RABGAP1L: variants seen among roughly 807,000 people sequenced by gnomAD.
RABGAP1L encodes the protein rab GTPase-activating protein 1-like.
A neutral mutation model predicts 137.7 loss-of-function variants in RABGAP1L; 63 were observed. That is an observed-to-expected ratio of 0.46 (90% CI 0.37 to 0.56). RABGAP1L has a LOEUF of 0.56. Ranked by LOEUF, RABGAP1L falls within the 20% of genes least tolerant of loss-of-function variation. The pLI, the probability that RABGAP1L is intolerant of heterozygous loss-of-function variation, is 0.00. For synonymous variants in RABGAP1L, 431 were observed against 433.7 expected (o/e 0.99, Z 0.08); for missense variants, 1,095 against 1,244.0 (o/e 0.88, Z 1.80).
intron 18 of RABGAP1L, among the ~76,000 whole-genome samples, chr1:174,782,474 G>A (rs367585998): frequency 3.6e-4 from 55 of 152,270 alleles, no homozygotes; most frequent in African/African-American, 1.1e-3. Context: ...GGGCTGAGAC[G>A]ATGGGGTTTT....
chr1:174,305,462 G>C (rs963214956), intron 11 of RABGAP1L, among the ~76,000 whole-genome samples: 41 of 152,066 alleles, frequency 2.7e-4, no homozygotes, highest in African/African-American at 9.4e-4. Flanking sequence ...TCGGCTCCCT[G>C]CAACCTCTGC....
chr1:174,984,991 A>AAT (rs1446305998), intron 24 of RABGAP1L, among the ~76,000 whole-genome samples: 18 of 152,236 alleles, frequency 1.2e-4, no homozygotes, highest in African/African-American at 4.1e-4. Context: ...ATGTGATTAG[A>AAT]ATATGTATTA....
chr1:174,209,716 C>T (rs1221477973), intron 1 of RABGAP1L, among the ~76,000 whole-genome samples: 1 of 152,158 alleles, frequency 6.6e-6, no homozygotes, highest in Non-Finnish European at 1.5e-5. Flanking sequence ...GCTTTGCTAC[C>T]TGTTGATTAT....
intron 19 of RABGAP1L, among the ~76,000 whole-genome samples, chr1:174,906,065 C>T (rs1333500736): frequency 1.3e-5 from 2 of 152,026 alleles, no homozygotes; most frequent in African/African-American, 4.8e-5. Flanking sequence ...TCACCCAGGT[C>T]GGAGTGCAGT....
At chr1:174,378,700 G>A (rs1267263498) in intron 12 of RABGAP1L, among the ~76,000 whole-genome samples, 1 of 151,738 alleles carries the variant, frequency 6.6e-6, no homozygotes, top group African/African-American at 2.4e-5. Context: ...TTTGTCAGAT[G>A]AGTAGGTTGC....
At chr1:174,953,912 G>A (rs1668112965) in intron 19 of RABGAP1L, among the ~76,000 whole-genome samples, 1 of 152,200 alleles carries the variant, frequency 6.6e-6, no homozygotes, top group African/African-American at 2.4e-5. Flanking sequence ...ACAAGGCAGT[G>A]TAGGGGAATT....
chr1:174,810,067 C>T (rs1415225017), intron 18 of RABGAP1L, among the ~76,000 whole-genome samples: 3 of 152,128 alleles, frequency 2.0e-5, no homozygotes, highest in Non-Finnish European at 4.4e-5. Flanking sequence ...AATTTGTGGA[C>T]CTTTGTGAAA....
chr1:174,732,880 G>C (rs2148626882), intron 17 of RABGAP1L, among the ~76,000 whole-genome samples: 1 of 152,216 alleles, frequency 6.6e-6, no homozygotes. Flanking sequence ...GATATTTCAT[G>C]GTCTATTTAA....
intron 19 of RABGAP1L, among the ~76,000 whole-genome samples, chr1:174,940,439 ATT>A (rs1249671817): frequency 6.0e-5 from 9 of 150,280 alleles, no homozygotes; most frequent in African/African-American, 2.2e-4. Context: ...TGCCTGGCTA[ATT>A]TTTTTTTAAA....
intron 17 of RABGAP1L, among the ~76,000 whole-genome samples, chr1:174,714,718 C>T (rs994172422): frequency 2.6e-5 from 4 of 152,158 alleles, no homozygotes; most frequent in Non-Finnish European, 5.9e-5. Context: ...GAAGGACAGG[C>T]ACCAAAGTTA....
intron 19 of RABGAP1L, among the ~76,000 whole-genome samples, chr1:174,889,960 G>T (rs57289077): frequency 0.21 from 31,788 of 151,952 alleles, 3,654 homozygotes; most frequent in Admixed American, 0.25. Flanking sequence ...GGCTGGTTTT[G>T]AACTGCTGGG....
At chr1:174,887,614 G>C (rs1014297813) in intron 19 of RABGAP1L, among the ~76,000 whole-genome samples, 11 of 31,016 alleles carry the variant, frequency 3.5e-4, no homozygotes, top group African/African-American at 8.9e-4. Context: ...CAAAAACTTG[G>C]GGGGGGGGTC....
chr1:174,475,503 T>A (rs1190539664), intron 13 of RABGAP1L, among the ~76,000 whole-genome samples: 1 of 152,086 alleles, frequency 6.6e-6, no homozygotes, highest in Non-Finnish European at 1.5e-5. Context: ...GTGCTGTATA[T>A]CCAAATATTA....
intron 13 of RABGAP1L, among the ~76,000 whole-genome samples, chr1:174,593,104 G>T (rs373077643): frequency 2.4e-5 from 1 of 41,040 alleles, no homozygotes; most frequent in Non-Finnish European, 4.0e-5. Context: ...GTCGAGGAAT[G>T]TATCCATTTC....
intron 19 of RABGAP1L, among the ~76,000 whole-genome samples, chr1:174,918,875 G>A (rs962504727): frequency 2.0e-5 from 3 of 152,038 alleles, no homozygotes; most frequent in African/African-American, 7.3e-5. Flanking sequence ...AATTTGTCTC[G>A]TACAGTGGCA....
At chr1:174,523,923 T>C (rs1663649587) in intron 13 of RABGAP1L, among the ~76,000 whole-genome samples, 1 of 152,216 alleles carries the variant, frequency 6.6e-6, no homozygotes, top group Non-Finnish European at 1.5e-5. Context: ...TCACATACCA[T>C]AATGACCTCC....
chr1:174,970,269 C>T (rs942753770), intron 21 of RABGAP1L, among the ~76,000 whole-genome samples: 2 of 152,132 alleles, frequency 1.3e-5, no homozygotes, highest in Non-Finnish European at 2.9e-5. Flanking sequence ...CCTCAGTGGT[C>T]ATATTTTTGT....
chr1:174,590,043 C>T (rs951804786), intron 13 of RABGAP1L, among the ~76,000 whole-genome samples: 2 of 148,424 alleles, frequency 1.3e-5, no homozygotes, highest in African/African-American at 5.0e-5. Context: ...CTGCACATTG[C>T]TTTGGACATT....
At chr1:174,176,413 A>G (rs1285543074) in intron 1 of RABGAP1L, among the ~76,000 whole-genome samples, 2 of 152,098 alleles carry the variant, frequency 1.3e-5, no homozygotes, top group African/African-American at 4.8e-5. Flanking sequence ...CTTATTATAC[A>G]ATATAAAGAA....
Sources: gnomAD v4.1 joint callset for allele counts (sites outside exome capture counted in the v4.1 genomes callset) on GRCh38, gnomAD v4.1.1 for gene constraint, MANE v1.5 for transcripts, NCBI Gene and HGNC (gene_info 2026-07-23, HGNC 2026-07-21) for gene names.